LGI1: variants seen among roughly 807,000 people sequenced by gnomAD.
LGI1 encodes leucine-rich glioma-inactivated protein 1.
Under a neutral mutation model 57.7 loss-of-function variants are expected in LGI1, and 11 were observed. The ratio of observed to expected loss-of-function variants is 0.19; its 90% CI spans 0.12 to 0.32. The LOEUF (loss-of-function observed/expected upper bound fraction) is 0.32, where lower values mean the gene tolerates loss of function less well. Among genes scored for constraint, LGI1 ranks in the 10% least tolerant of loss-of-function variants. The probability of loss-of-function intolerance (pLI) is 1.00; values close to 1 mark genes in which losing one functional copy is unlikely to be tolerated. For synonymous variants in LGI1, 222 were observed against 241.9 expected (o/e 0.92, Z 0.76); for missense variants, 422 against 661.9 (o/e 0.64, Z 3.98).
At chr10:93,765,025 A>C (rs1284792779) in intron 2 of LGI1, 1 of 152,246 alleles carries the variant, frequency 6.6e-6, no homozygotes. Context: ...TTCCTCATGA[A>C]TAAAATGACT....
At chr10:93,765,861 T>A (rs888280915) in intron 2 of LGI1, among the ~76,000 whole-genome samples, 3 of 151,152 alleles carry the variant, frequency 2.0e-5, no homozygotes, top group Non-Finnish European at 4.4e-5. Flanking sequence ...TCCCAGCTAC[T>A]CGGGAGGCTG....
chr10:93,793,452 T>C, intron 7 of LGI1, 102 bp downstream of exon 7: 1 of 1,017,148 alleles, frequency 9.8e-7, no homozygotes, highest in Non-Finnish European at 1.5e-6. Flanking sequence ...AGCATTTGAA[T>C]TCCAACTCTA....
chr10:93,796,140 G>T (rs1284482766), intron 7 of LGI1, among the ~76,000 whole-genome samples: 1 of 152,210 alleles, frequency 6.6e-6, no homozygotes, highest in East Asian at 1.9e-4. Flanking sequence ...ATAACTTTCA[G>T]GAGCAGTGCC....
At chr10:93,767,658 A>G (rs1589754617) in intron 2 of LGI1, 1 of 152,232 alleles carries the variant, frequency 6.6e-6, no homozygotes, top group Non-Finnish European at 1.5e-5. Flanking sequence ...GTCTGTCTCC[A>G]TATAAGGAGC....
chr10:93,769,958 G>T (rs967260717), intron 2 of LGI1: 1 of 152,254 alleles, frequency 6.6e-6, no homozygotes, highest in African/African-American at 2.4e-5. Context: ...GAGAGAGTCT[G>T]AAGAAGTACA....
intron 2 of LGI1, chr10:93,776,155 G>A (rs1177334819): frequency 2.0e-5 from 3 of 152,122 alleles, no homozygotes; most frequent in African/African-American, 7.2e-5. Flanking sequence ...TGACATTAGA[G>A]GCATGAGGGA....
chr10:93,776,925 TCACAGCACAAC>T, intron 2 of LGI1: 1 of 212,750 alleles, frequency 4.7e-6, no homozygotes, highest in Non-Finnish European at 9.5e-6. Flanking sequence ...TTACGAGATG[TCACAGCACAAC>T]CAGGCATGCA....
chr10:93,766,512 C>CT (rs71031537), intron 2 of LGI1, among the ~76,000 whole-genome samples: 1 of 84,586 alleles, frequency 1.2e-5, no homozygotes, highest in Non-Finnish European at 2.1e-5. Context: ...TTATAGATCT[C>CT]TTTTTTTTTT....
chr10:93,780,607 A>C (rs2059838802), intron 4 of LGI1, among the ~76,000 whole-genome samples: 1 of 152,216 alleles, frequency 6.6e-6, no homozygotes, highest in South Asian at 2.1e-4. Flanking sequence ...GGGCAGTAGC[A>C]CTAGGTTCAT....
At position 93,764,598 on chromosome 10, in the gene LGI1, T is replaced by G. The variant is rs529925578; in HGVS notation, c.287+5767T>G. 6.6e-5 allele frequency: 10 copies of G among 152,304 alleles called. No homozygotes were observed. In the South Asian group the frequency reaches 2.1e-3, roughly 32 times the overall value. The allele number at this position is 152,304 out of a possible 1,614,324, so 9.4% of individuals were successfully genotyped here. A position where few individuals can be genotyped will look rare whatever the true frequency, so the allele number is the denominator to read the frequency against. On this transcript the variant is annotated intron_variant, in intron 2 of 7. Transcript: ENST00000371418. ...CAGACAACACAGACTTGTGGGCAGA[T>G]AAGCATGGGTTCAAATCCCCACTCT...
chr10:93,792,904 T>A lies in LGI1; in HGVS notation c.665T>A (p.Ile222Asn). Residue 222 changes from isoleucine to asparagine, a missense_variant, in exon 6 of 8, where the codon ATC (isoleucine) becomes AAC (asparagine). By Grantham distance (149) the Ile-to-Asn change is moderately radical. Transcript: ENST00000371418. ...NSLSSKDFDC[I>N]ITEFAKSQDL... Reference sequence around the variant, plus strand: ...CTCTCCTCGAAGGATTTTGATTGCATCATTACAGGTAATGTACTCATCATC... The same window carrying A: ...CTCTCCTCGAAGGATTTTGATTGCAACATTACAGGTAATGTACTCATCATC... The A allele has an allele frequency of 6.2e-7, 1 of 1,613,884 alleles. No homozygotes were observed. The highest frequency in any genetic ancestry group is 8.5e-7 in the Non-Finnish European group (1 of 1,179,810).
intron 4 of LGI1, among the ~76,000 whole-genome samples, chr10:93,787,647 C>T (rs945154366): frequency 6.6e-6 from 1 of 152,102 alleles, no homozygotes; most frequent in Admixed American, 6.5e-5. Flanking sequence ...GTGGCTCACA[C>T]CTGTAATCCC....
chr10:93,777,709 C>T lies in LGI1; in HGVS notation c.431+92C>T, dbSNP rs146588893. 6.6e-4 allele frequency: 661 copies of T among 1,008,328 alleles called. 3 individuals are homozygous for T. In the African/African-American group the frequency reaches 9.4e-3, roughly 14 times the overall value. 62.5% of individuals were successfully genotyped at this position (1,008,328 alleles called of 1,614,324 possible). ...TTAATGCACCTACTTTATGAGTGTC[C>T]ATAAAAATTTAAGAAACCCAAATGA... On this transcript the variant is annotated intron_variant, in intron 4 of 7. Transcript: ENST00000371418.
chr10:93,785,102 G>A (rs563156551), intron 4 of LGI1, among the ~76,000 whole-genome samples: 5 of 152,146 alleles, frequency 3.3e-5, no homozygotes, highest in Admixed American at 3.3e-4. Flanking sequence ...GTGTATATGT[G>A]TGTGTGTGTA....
At chr10:93,761,967 C>T (rs1212403771) in intron 2 of LGI1, among the ~76,000 whole-genome samples, 2 of 152,166 alleles carry the variant, frequency 1.3e-5, no homozygotes, top group Admixed American at 1.3e-4. Flanking sequence ...CAGCCCTGTT[C>T]CTTCTCAACT....
chr10:93,771,364 G>A (rs2059737293), intron 2 of LGI1: 1 of 152,172 alleles, frequency 6.6e-6, no homozygotes, highest in African/African-American at 2.4e-5. Context: ...ATGAAATCAT[G>A]TCTTTTGCAG....
chr10:93,780,590 A>T (rs1246157832), intron 4 of LGI1, among the ~76,000 whole-genome samples: 2 of 152,166 alleles, frequency 1.3e-5, no homozygotes, highest in Non-Finnish European at 2.9e-5. Context: ...ACCCCGTGAA[A>T]GAGACAGGGC....
Position 93,758,325 on chromosome 10 carries a change from A to G in LGI1, c.181A>G (p.Ile61Val). ...DNALCENARS[I>V]PRTVPPDVIS... ...TGCTTTATGTGAGAATGCCAGATCC[A>G]TTCCACGCACCGTTCCTCCTGATGT... The change falls in exon 1 of 8, where the codon ATT becomes GTT. Residue 61 changes from isoleucine (I) to valine (V), a missense_variant. Around this residue, in one of 3 missense-constraint regions of LGI1, gnomAD observed 63 missense variants for 138.4 expected, o/e 0.46. Transcript: ENST00000371418. The surrounding 1 kb of genome is among the most constrained non-coding windows in gnomAD (Gnocchi z 4.7). 1 of 1,614,208 alleles carries G rather than the reference A, an allele frequency of 6.2e-7. No individual in the cohort carries two copies. The highest frequency in any genetic ancestry group is 8.5e-7 in the Non-Finnish European group (1 of 1,180,040).
chr10:93,788,803 G>A (rs1285385631), intron 4 of LGI1: 1 of 152,166 alleles, frequency 6.6e-6, no homozygotes, highest in East Asian at 1.9e-4. Context: ...ATTAGTGGAG[G>A]TAGAAGACAT....
Sources: allele counts gnomAD v4.1 joint callset (sites outside exome capture counted in the v4.1 genomes callset), GRCh38; gene constraint gnomAD v4.1.1; regional missense constraint gnomAD v4.1.1; non-coding constraint Gnocchi (gnomAD v3.1); transcripts MANE v1.5; gene names NCBI Gene and HGNC (gene_info 2026-07-23, HGNC 2026-07-21).